The following FAM184B variants were observed in gnomAD, a reference collection of about 807,000 sequenced individuals.
FAM184B encodes the protein family with sequence similarity 184 member B, also known as protein FAM184B.
A neutral mutation model predicts 135.9 loss-of-function variants in FAM184B; 111 were observed. The observed-to-expected ratio is 0.82, with a 90% CI of 0.70 to 0.96. FAM184B has a LOEUF of 0.96. Ranked by LOEUF, FAM184B falls within the 40% of genes least tolerant of loss-of-function variation. The probability of loss-of-function intolerance (pLI) is 0.00; values close to 1 mark genes in which losing one functional copy is unlikely to be tolerated. For missense variants in FAM184B, 1,375 were observed against 1,323.9 expected (o/e 1.04, Z -0.60); for synonymous variants, 552 against 524.8 (o/e 1.05, Z -0.71).
chr4:17,781,452 C>T lies in FAM184B; in HGVS notation c.-153G>A. On this transcript the variant is annotated 5_prime_UTR_variant, in exon 1 of 18. Coordinates refer to ENST00000265018, the MANE Select transcript of FAM184B (RefSeq NM_015688.2). The surrounding 1 kb of genome is among the most constrained non-coding windows in gnomAD (Gnocchi z 6.5). ...GCACCGCCGCGTGGCCCCAGCTTCC[C>T]GAAGGTCTCCGCCTCCCGGGCCCAC... is the stretch of plus-strand genomic sequence containing the variant. The T allele has an allele frequency of 3.2e-6, 3 of 934,084 alleles. No homozygotes were observed. Among genetic ancestry groups the T allele is most frequent in the Non-Finnish European group, 2.9e-6 (2 of 683,442 alleles). The allele number at this position is 934,084 out of a possible 1,614,324, so 57.9% of individuals were successfully genotyped here. A position where few individuals can be genotyped will look rare whatever the true frequency, so the allele number is the denominator to read the frequency against.
intron 7 of FAM184B, among the ~76,000 whole-genome samples, chr4:17,674,709 G>A (rs1334689550): frequency 6.6e-6 from 1 of 152,192 alleles, no homozygotes; most frequent in African/African-American, 2.4e-5. Flanking sequence ...CTAAGTTCAT[G>A]TAATATTCTA....
rs902008993 is a variant in FAM184B at position 17,658,393 on chromosome 4, C to T, written c.1994G>A (p.Arg665Lys). The T allele has an allele frequency of 5.2e-6, 8 of 1,551,666 alleles. No individual in the cohort carries two copies. The South Asian group carries it at 8.3e-5, about 16-fold the overall frequency. Residue 665 changes from arginine to lysine, a missense_variant, in exon 10 of 18, where the codon AGA becomes AAA. Coordinates refer to ENST00000265018, the MANE Select transcript of FAM184B (RefSeq NM_015688.2). ...GGCCTTCTCCAGCATGCGCAGGGCT[C>T]TCTGGTGGGAAGCCTCGAGCTGGGC... Reference protein sequence around the residue: ...MKAQLEASHQRALRMLEKARH... With the variant: ...MKAQLEASHQKALRMLEKARH...
rs1216783667 is a variant in FAM184B at position 17,631,957 on chromosome 4, G to A, written c.*575C>T. 6.6e-6 allele frequency: 1 copy of A among 150,984 alleles called. No individual in the cohort carries two copies. The highest frequency in any genetic ancestry group is 2.4e-5 in the African/African-American group (1 of 41,070). The allele number at this position is 150,984 out of a possible 1,614,324, so 9.4% of individuals were successfully genotyped here. A position where few individuals can be genotyped will look rare whatever the true frequency, so the allele number is the denominator to read the frequency against. ...CCACAAAATGGAGTATGATGTTATG[G>A]ACACTAGAAATACAAGGTATGGGTC... On this transcript the variant is annotated 3_prime_UTR_variant, in exon 18 of 18. Coordinates refer to ENST00000265018, the MANE Select transcript of FAM184B (RefSeq NM_015688.2).
chr4:17,699,551 A>G (rs1476810772), intron 5 of FAM184B, among the ~76,000 whole-genome samples: 1 of 152,162 alleles, frequency 6.6e-6, no homozygotes, highest in African/African-American at 2.4e-5. Context: ...ACTGAATGAC[A>G]TCTTTAAAGT....
At chr4:17,655,239 C>A (rs1468390345) in intron 10 of FAM184B, among the ~76,000 whole-genome samples, 2 of 152,138 alleles carry the variant, frequency 1.3e-5, no homozygotes, top group Admixed American at 6.5e-5. Context: ...CAGAGAACAC[C>A]AATTGGTGAC....
intron 1 of FAM184B, among the ~76,000 whole-genome samples, chr4:17,718,013 G>A (rs1404178464): frequency 1.3e-5 from 2 of 152,080 alleles, no homozygotes; most frequent in Admixed American, 1.3e-4. Flanking sequence ...TTACAGATGG[G>A]GCTAACTTCA....
At chr4:17,675,889 G>A (rs1716300726) in intron 7 of FAM184B, among the ~76,000 whole-genome samples, 1 of 152,152 alleles carries the variant, frequency 6.6e-6, no homozygotes, top group Non-Finnish European at 1.5e-5. Flanking sequence ...TAGGCTTTAG[G>A]TTAAGGGAAT....
intron 6 of FAM184B, among the ~76,000 whole-genome samples, chr4:17,690,076 A>G (rs1449581965): frequency 6.6e-6 from 1 of 151,870 alleles, no homozygotes; most frequent in Non-Finnish European, 1.5e-5. Context: ...TGAACCTGAG[A>G]GGCGGAGGTT....
chr4:17,688,630 C>A, intron 6 of FAM184B, 99 bp from the exon 7 acceptor site: 1 of 644,782 alleles, frequency 1.6e-6, no homozygotes, highest in South Asian at 2.0e-5. Flanking sequence ...TCAGTCTGTT[C>A]TGGGGAGAGT....
chr4:17,689,242 T>TG lies in FAM184B; in HGVS notation c.1489-712dup, dbSNP rs1270085497. Reference sequence around the variant, plus strand: ...ATAGGTAAAATGAGAAAAGAGTGGTTGGGGGTGCTCTAAAAGTGTAAGGCC... The same window carrying TG: ...ATAGGTAAAATGAGAAAAGAGTGGTTGGGGGGTGCTCTAAAAGTGTAAGGCC... On this transcript the variant is annotated intron_variant, in intron 6 of 17. Transcript: ENST00000265018. Among the ~76,000 whole-genome samples the TG allele has an allele frequency of 5.3e-5, 8 of 152,304 alleles. No individual in the cohort carries two copies. In the East Asian group the frequency reaches 1.2e-3, roughly 22 times the overall value.
chr4:17,638,528 T>G (rs1356835504), intron 14 of FAM184B, among the ~76,000 whole-genome samples: 1 of 152,118 alleles, frequency 6.6e-6, no homozygotes, highest in Non-Finnish European at 1.5e-5. Context: ...ATCCGAATTC[T>G]CAGCAGAATT....
At chr4:17,716,411 T>C (rs1019603625) in intron 1 of FAM184B, among the ~76,000 whole-genome samples, 1 of 152,144 alleles carries the variant, frequency 6.6e-6, no homozygotes, top group African/African-American at 2.4e-5. Context: ...GGTGTTATTA[T>C]GGCTCACTGC....
chr4:17,727,379 G>T (rs1717665422), intron 1 of FAM184B, among the ~76,000 whole-genome samples: 1 of 152,160 alleles, frequency 6.6e-6, no homozygotes, highest in African/African-American at 2.4e-5. Context: ...GTGAACTTAG[G>T]CATGTCCTAC....
intron 7 of FAM184B, among the ~76,000 whole-genome samples, chr4:17,665,137 C>A (rs568336319): frequency 6.6e-6 from 1 of 152,232 alleles, no homozygotes; most frequent in South Asian, 2.1e-4. Context: ...ACAATGCTGG[C>A]TCATGGCTAG....
In FAM184B at chr4:17,658,548, C is replaced by A. The variant is rs1207762183; in HGVS notation, c.1839G>T (p.Gln613His). The A allele has an allele frequency of 1.3e-6, 2 of 1,551,090 alleles. No individual in the cohort carries two copies. Among genetic ancestry groups the A allele is most frequent in the Admixed American group, 2.0e-5 (1 of 51,018 alleles). ...TGCTGGTGCACTGCTCCAGAGCCTG[C>A]TGCATCTGTGAGACCTGCGCACAAG... ...AKLQAQVSQM[Q>H]QALEQCTSNY... is the part of the protein sequence containing the mutation. Residue 613 changes from glutamine to histidine, a missense_variant, in exon 10 of 18, where the codon CAG becomes CAT. Physicochemically the swap from Gln to His is conservative, Grantham distance 24 (BLOSUM62 0). Coordinates refer to ENST00000265018, the MANE Select transcript of FAM184B (RefSeq NM_015688.2).
intron 1 of FAM184B, among the ~76,000 whole-genome samples, chr4:17,780,551 C>T (rs976155722): frequency 2.0e-5 from 3 of 152,072 alleles, no homozygotes; most frequent in African/African-American, 7.2e-5. Context: ...GCCCCCTGCA[C>T]GAGGTAAGGA....
chr4:17,700,365 T>C (rs983865977), intron 5 of FAM184B, among the ~76,000 whole-genome samples: 1 of 152,180 alleles, frequency 6.6e-6, no homozygotes. Flanking sequence ...CATGCTGGAA[T>C]ATACATATAT....
chr4:17,696,555 T>G (rs988898546), intron 5 of FAM184B, among the ~76,000 whole-genome samples: 7 of 152,312 alleles, frequency 4.6e-5, no homozygotes, highest in Admixed American at 3.9e-4. Context: ...CTCACGCCTA[T>G]AATCCCAACA....
chr4:17,727,637 C>T lies in FAM184B; in HGVS notation c.142-17993G>A, dbSNP rs75652754. Reference sequence around the variant, plus strand: ...GGGGAAATTGCCACTTTTAAATCATCAGATCTTGTGAGAACTCCTTCATTT... The same window carrying T: ...GGGGAAATTGCCACTTTTAAATCATTAGATCTTGTGAGAACTCCTTCATTT... On this transcript the variant is annotated intron_variant, in intron 1 of 17. Transcript: ENST00000265018. 3.9e-4 allele frequency among the ~76,000 whole-genome samples: 59 copies of T among 152,224 alleles called. No homozygotes were observed. In the East Asian group the frequency reaches 0.011, roughly 29 times the overall value.
Sources: gnomAD v4.1 joint callset for allele counts (sites outside exome capture counted in the v4.1 genomes callset) on GRCh38, gnomAD v4.1.1 for gene constraint, Gnocchi (gnomAD v3.1) non-coding constraint, MANE v1.5 for transcripts, NCBI Gene and HGNC (gene_info 2026-07-23, HGNC 2026-07-21) for gene names.